Variants in MDN1 observed in about 807,000 individuals in gnomAD.
MDN1 encodes the protein midasin AAA ATPase 1.
In MDN1, 266 loss-of-function variants were observed where a neutral mutation model predicts 669.2. The observed-to-expected ratio is 0.40, with a 90% CI of 0.36 to 0.44. MDN1 has a LOEUF of 0.44. MDN1 is among the 20% of genes least tolerant of loss of function. MDN1 has a pLI of 1.00. For missense variants in MDN1, 5,940 were observed against 6,754.0 expected, an observed-to-expected ratio of 0.88 and a Z score of 4.22; for synonymous variants, 2,385 against 2,457.1, an observed-to-expected ratio of 0.97 and a Z score of 0.87.
At chr6:89,654,452 G>A in intron 92 of MDN1, 118 bp from the exon 93 acceptor site, 2 of 1,316,942 alleles carry the variant, frequency 1.5e-6, no homozygotes, top group Non-Finnish European at 2.1e-6. Flanking sequence ...TGCAAGTTGT[G>A]CCACTGACCA....
intron 1 of MDN1, among the ~76,000 whole-genome samples, chr6:89,805,414 C>T (rs369507703): frequency 4.6e-5 from 7 of 152,220 alleles, no homozygotes; most frequent in African/African-American, 1.4e-4. Flanking sequence ...TGGTGGCATG[C>T]GCCTGTAGTC....
At chr6:89,726,048 A>G (rs932349128) in intron 37 of MDN1, among the ~76,000 whole-genome samples, 1 of 152,180 alleles carries the variant, frequency 6.6e-6, no homozygotes, top group Admixed American at 6.5e-5. Context: ...AATCTTCTCA[A>G]AAGTTAAACT....
chr6:89,722,824 C>T, intron 40 of MDN1, 131 bp downstream of exon 40: 1 of 796,798 alleles, frequency 1.3e-6, no homozygotes, highest in Non-Finnish European at 1.9e-6. Context: ...CCAGCCTGGG[C>T]AACAAGAGTG....
chr6:89,724,819 G>A (rs1584270692), intron 38 of MDN1, among the ~76,000 whole-genome samples: 4 of 152,124 alleles, frequency 2.6e-5, no homozygotes, highest in Admixed American at 2.6e-4. Context: ...CTTCATAGTA[G>A]TTTTCTGTTC....
Position 89,683,151 on chromosome 6 carries a change from G to A in MDN1, c.12083C>T (p.Ala4028Val). 1 of 1,614,100 alleles carries A rather than the reference G, an allele frequency of 6.2e-7. No individual in the cohort carries two copies. Residue 4028 changes from alanine to valine, a missense_variant, in exon 73 of 102, where the codon GCC (alanine) becomes GTC (valine). By Grantham distance (64) the Ala-to-Val change is moderately conservative. Around this residue, in one of 5 missense-constraint regions of MDN1, gnomAD observed 2,280 missense variants for 2,576.3 expected, o/e 0.88. Coordinates refer to ENST00000369393, the MANE Select transcript of MDN1 (RefSeq NM_014611.3). ...AAGTACCTGCCCAGCTGCTGGTTGGGCTAACAGGGTCTCCCTCAGTGCCCT... is the reference window on the plus strand; with the variant it reads ...AAGTACCTGCCCAGCTGCTGGTTGGACTAACAGGGTCTCCCTCAGTGCCCT... Reference protein sequence around the residue: ...LNRALRETLLAQPAAGQATIP... With the variant: ...LNRALRETLLVQPAAGQATIP...
intron 15 of MDN1, among the ~76,000 whole-genome samples, chr6:89,767,967 G>A (rs1266701067): frequency 6.6e-6 from 1 of 151,672 alleles, no homozygotes; most frequent in East Asian, 1.9e-4. Context: ...GCTTGAGCCG[G>A]GGAGGTCAAG....
Position 89,688,608 on chromosome 6 carries a change from G to C in MDN1, c.11224C>G (p.Leu3742Val). ...GCTGGGTGTTCTGGCCAGTCCTGTA[G>C]CAAGTGACTGACAGCCTCTGAGAAA... is the stretch of plus-strand genomic sequence containing the variant. ...QGFSEAVSHL[L>V]QDWPEHPALE... is the part of the protein sequence containing the mutation. Residue 3742 changes from leucine (L) to valine (V), a missense_variant, in exon 66 of 102, where the codon CTA becomes GTA. By Grantham distance (32) the Leu-to-Val change is conservative. Coordinates refer to ENST00000369393, the MANE Select transcript of MDN1 (RefSeq NM_014611.3). The C allele has an allele frequency of 6.2e-7, 1 of 1,614,132 alleles. No homozygotes were observed. The highest frequency in any genetic ancestry group is 8.5e-7 in the Non-Finnish European group (1 of 1,179,992).
chr6:89,711,108 T>C (rs1345129447), intron 49 of MDN1, among the ~76,000 whole-genome samples: 2 of 152,236 alleles, frequency 1.3e-5, no homozygotes, highest in African/African-American at 4.8e-5. Context: ...TAAACATCCA[T>C]GGGCTTATTG....
At chr6:89,787,010 C>T (rs370537148) in intron 8 of MDN1, among the ~76,000 whole-genome samples, 18 of 149,190 alleles carry the variant, frequency 1.2e-4, no homozygotes, top group African/African-American at 4.5e-4. Context: ...GGAGGCTGTG[C>T]TGGGAAGACT....
chr6:89,743,636 G>C lies in MDN1; in HGVS notation c.4257C>G (p.His1419Gln), dbSNP rs374386721. 1 of 1,614,094 alleles carries C rather than the reference G, an allele frequency of 6.2e-7. No individual in the cohort carries two copies. Among genetic ancestry groups the C allele is most frequent in the South Asian group, 1.1e-5 (1 of 91,078 alleles). ...CACCCAGGAAGTCTGATGTCTCCAT[G>C]TGTAAGTGGCAGCTGACAGAGTATA... ...QKLYSVSCHL[H>Q]METSDFLGGL... The change falls in exon 30 of 102, where the codon CAC becomes CAG. Residue 1419 changes from histidine to glutamine, a missense_variant. Physicochemically the swap from His to Gln is conservative, Grantham distance 24. Around this residue, in one of 5 missense-constraint regions of MDN1, gnomAD observed 2,292 missense variants for 2,638.3 expected, o/e 0.87. Coordinates refer to ENST00000369393, the MANE Select transcript of MDN1 (RefSeq NM_014611.3).
chr6:89,661,560 C>T lies in MDN1; in HGVS notation c.14584G>A (p.Glu4862Lys). The change falls in exon 88 of 102, where the codon GAG becomes AAG. Residue 4862 changes from glutamate to lysine, a missense_variant. Transcript: ENST00000369393. ...TGATTGCCATGGTAAGGGTCCACCT[C>T]ATTTTCATCATAGTCCCTCTTTGGG... is the stretch of plus-strand genomic sequence containing the variant. ...QIDERDYDEN[E>K]VDPYHGNQEK... is the part of the protein sequence containing the mutation. 6.2e-7 allele frequency: 1 copy of T among 1,614,060 alleles called. No individual in the cohort carries two copies. Among genetic ancestry groups the T allele is most frequent in the Non-Finnish European group, 8.5e-7 (1 of 1,179,996 alleles).
intron 22 of MDN1, 42 bp from the exon 23 acceptor site, chr6:89,751,624 A>C (rs1421008773): frequency 6.3e-7 from 1 of 1,588,022 alleles, no homozygotes; most frequent in South Asian, 1.1e-5. Context: ...ACAGTTGTAC[A>C]TTCTTTCAGA....
At chr6:89,711,659 A>C (rs946522893) in intron 49 of MDN1, among the ~76,000 whole-genome samples, 2 of 152,228 alleles carry the variant, frequency 1.3e-5, no homozygotes, top group Non-Finnish European at 2.9e-5. Flanking sequence ...AATCTTATAT[A>C]CTTTTAGAGG....
intron 73 of MDN1, among the ~76,000 whole-genome samples, chr6:89,681,516 A>C (rs937545731): frequency 1.6e-4 from 25 of 152,120 alleles, no homozygotes; most frequent in African/African-American, 6.0e-4. Flanking sequence ...GCTTTCGTCC[A>C]TCAAGGGCAT....
In MDN1 at chr6:89,667,998, C is replaced by T. The variant is rs756638840; in HGVS notation, c.14094+16G>A. On this transcript the variant is annotated intron_variant, in intron 84 of 101. Coordinates refer to ENST00000369393, the MANE Select transcript of MDN1 (RefSeq NM_014611.3). ...GAGTGATCTTCTGTCAACTGTATAC[C>T]TATGTGAAAACGTACCTGTTCTTCA... The T allele has an allele frequency of 1.9e-6, 3 of 1,613,712 alleles. No individual in the cohort carries two copies. The highest frequency in any genetic ancestry group is 2.5e-6 in the Non-Finnish European group (3 of 1,179,832).
intron 21 of MDN1, 112 bp from the exon 22 acceptor site, chr6:89,753,734 A>C (rs1817083879): frequency 1.2e-6 from 1 of 869,470 alleles, no homozygotes; most frequent in Admixed American, 2.1e-5. Flanking sequence ...CCAACTTTTA[A>C]ATATAGTAAG....
chr6:89,792,507 TGG>T (rs1467124975), intron 5 of MDN1, among the ~76,000 whole-genome samples: 3 of 151,586 alleles, frequency 2.0e-5, no homozygotes, highest in African/African-American at 7.3e-5. Context: ...ACAGGATACG[TGG>T]GGGGTAAAGA....
At position 89,772,732 on chromosome 6, in the gene MDN1, GA is replaced by G. The variant is rs774995699; in HGVS notation, c.1935-12del. 2 of 1,607,920 alleles carry G rather than the reference GA, an allele frequency of 1.2e-6. No homozygotes were observed. Among genetic ancestry groups the G allele is most frequent in the Non-Finnish European group, 1.7e-6 (2 of 1,177,768 alleles). ...AAAGTGAACTTCTCCCTGGGAAGGA[GA>G]AAAAAAGAGTTTAAAAACCACGCTG... is the stretch of plus-strand genomic sequence containing the variant. On this transcript the variant is annotated splice_polypyrimidine_tract_variant and intron_variant, in intron 13 of 101. Coordinates refer to ENST00000369393, the MANE Select transcript of MDN1 (RefSeq NM_014611.3).
Position 89,672,703 on chromosome 6 carries a change from CT to C in MDN1, c.13475-2del, listed in dbSNP as rs1238243784. ...AATCCTTCGTCCAACATTTGATTTC[CT>C]AGCAGGTAACATGGTGCAAAACAAA... On this transcript the variant is annotated splice_acceptor_variant, in intron 80 of 101. Transcript: ENST00000369393. LOFTEE classifies it high-confidence loss of function. 1 of 1,613,194 alleles carries C rather than the reference CT, an allele frequency of 6.2e-7. No homozygotes were observed. The highest frequency in any genetic ancestry group is 1.3e-5 in the African/African-American group (1 of 74,870).
Sources: gnomAD v4.1 joint callset for allele counts (sites outside exome capture counted in the v4.1 genomes callset) on GRCh38, gnomAD v4.1.1 for gene constraint, gnomAD v4.1.1 regional missense constraint, MANE v1.5 for transcripts, NCBI Gene and HGNC (gene_info 2026-07-23, HGNC 2026-07-21) for gene names.